CYB5B: variants seen among roughly 807,000 people sequenced by gnomAD.
CYB5B encodes cytochrome b5 type B (outer mitochondrial membrane).
A neutral mutation model predicts 21.3 loss-of-function variants in CYB5B; 14 were observed. The observed-to-expected ratio is 0.66, with a 90% CI of 0.43 to 1.03. CYB5B has a LOEUF of 1.03. Ranked by LOEUF, CYB5B falls within the 50% of genes least tolerant of loss-of-function variation. The probability of loss-of-function intolerance (pLI) is 0.00; values close to 1 mark genes in which losing one functional copy is unlikely to be tolerated. For missense variants in CYB5B, 166 were observed against 185.1 expected (o/e 0.90, Z 0.60); for synonymous variants, 69 against 68.4 (o/e 1.01, Z -0.04).
At chr16:69,454,685 TA>T (rs2014966447) in intron 3 of CYB5B, among the ~76,000 whole-genome samples, 1 of 152,220 alleles carries the variant, frequency 6.6e-6, no homozygotes, top group South Asian at 2.1e-4. Flanking sequence ...CCAGACCACC[TA>T]AATACCCATT....
chr16:69,452,904 C>G (rs981016869), intron 3 of CYB5B, among the ~76,000 whole-genome samples: 1 of 150,944 alleles, frequency 6.6e-6, no homozygotes, highest in East Asian at 2.0e-4. Flanking sequence ...GAGGCTGAGG[C>G]AGGAGAATCG....
chr16:69,444,659 TTCAGTGAAAAAAAA>T (rs2014859912), intron 1 of CYB5B, among the ~76,000 whole-genome samples: 1 of 151,912 alleles, frequency 6.6e-6, no homozygotes, highest in East Asian at 1.9e-4. Context: ...CCCCACTTGC[TTCAGTGAAAAAAAA>T]AAAGAAGCAG....
Position 69,462,689 on chromosome 16 carries a change from A to G in CYB5B, c.*169A>G. ...CTCAGATCTGAGACCAGCGTCTTCC[A>G]TCTCTCAGAGCCTTACTCCCAAAGT... On this transcript the variant is annotated 3_prime_UTR_variant, in exon 5 of 5. Coordinates refer to ENST00000307892, the MANE Select transcript of CYB5B (RefSeq NM_030579.3). 4 of 606,772 alleles carry G rather than the reference A, an allele frequency of 6.6e-6. No homozygotes were observed. The Admixed American group carries it at 1.1e-4, about 16-fold the overall frequency. 37.6% of individuals were successfully genotyped at this position (606,772 alleles called of 1,614,324 possible). A position where few individuals can be genotyped will look rare whatever the true frequency, so the allele number is the denominator to read the frequency against.
At chr16:69,425,604 A>G (rs1314974738) in intron 1 of CYB5B, among the ~76,000 whole-genome samples, 1 of 152,198 alleles carries the variant, frequency 6.6e-6, no homozygotes, top group Non-Finnish European at 1.5e-5. Flanking sequence ...TGTAATGTAC[A>G]TACGTAAATT....
intron 1 of CYB5B, among the ~76,000 whole-genome samples, chr16:69,428,369 A>C (rs2014670501): frequency 6.6e-6 from 1 of 152,074 alleles, no homozygotes. Flanking sequence ...GAAGAAAAAT[A>C]ATACAGGGGG....
At chr16:69,441,207 G>A (rs1352292946) in intron 1 of CYB5B, among the ~76,000 whole-genome samples, 1 of 147,254 alleles carries the variant, frequency 6.8e-6, no homozygotes, top group Non-Finnish European at 1.5e-5. Flanking sequence ...AGGCTGGAGT[G>A]CAGTGGCACA....
chr16:69,433,723 A>G (rs1260468705), intron 1 of CYB5B, among the ~76,000 whole-genome samples: 1 of 152,240 alleles, frequency 6.6e-6, no homozygotes, highest in Non-Finnish European at 1.5e-5. Flanking sequence ...GAGTTTTGAC[A>G]AATGTCTCAT....
intron 1 of CYB5B, among the ~76,000 whole-genome samples, chr16:69,445,709 A>G (rs2014870807): frequency 6.6e-6 from 1 of 152,156 alleles, no homozygotes; most frequent in African/African-American, 2.4e-5. Flanking sequence ...CATACCTTTA[A>G]TCCCAGCACT....
intron 2 of CYB5B, 148 bp downstream of exon 2, chr16:69,447,426 G>T: frequency 9.3e-7 from 1 of 1,076,014 alleles, no homozygotes; most frequent in East Asian, 2.7e-5. Flanking sequence ...CGGATCACTT[G>T]AGGTCAGGAG....
At chr16:69,456,257 A>T (rs1473052965) in intron 3 of CYB5B, among the ~76,000 whole-genome samples, 1 of 152,148 alleles carries the variant, frequency 6.6e-6, no homozygotes, top group Admixed American at 6.5e-5. Flanking sequence ...CTCCTGCCTC[A>T]GCCTTCCCAG....
intron 1 of CYB5B, among the ~76,000 whole-genome samples, chr16:69,445,898 G>A (rs576621850): frequency 6.6e-6 from 1 of 152,222 alleles, no homozygotes; most frequent in South Asian, 2.1e-4. Context: ...AGAGGTTGCG[G>A]TGAGCTGAGA....
At chr16:69,459,954 CTT>C (rs2015018828) in intron 4 of CYB5B, among the ~76,000 whole-genome samples, 1 of 152,024 alleles carries the variant, frequency 6.6e-6, no homozygotes, top group Non-Finnish European at 1.5e-5. Context: ...TTAAACAAAA[CTT>C]ATGCTTATGC....
chr16:69,424,957 C>G (rs1597277223), intron 1 of CYB5B, 100 bp downstream of exon 1: 3 of 1,237,436 alleles, frequency 2.4e-6, no homozygotes, highest in East Asian at 3.0e-5. Context: ...TGGCTGGGGG[C>G]GATAAGGCGT....
At chr16:69,462,335 C>A (rs2015043016) in intron 4 of CYB5B, 95 bp from the exon 5 acceptor site, 1 of 985,396 alleles carries the variant, frequency 1.0e-6, no homozygotes, top group Non-Finnish European at 1.6e-6. Flanking sequence ...TAAATAAAAA[C>A]TCCTTGCCTA....
At chr16:69,448,336 G>T in intron 3 of CYB5B, 192 bp downstream of exon 3, 1 of 620,348 alleles carries the variant, frequency 1.6e-6, no homozygotes, top group Non-Finnish European at 2.8e-6. Context: ...TGAACAGTAG[G>T]AAACATTTTG....
chr16:69,446,676 A>G (rs978002469), intron 1 of CYB5B, among the ~76,000 whole-genome samples: 1 of 152,222 alleles, frequency 6.6e-6, no homozygotes, highest in Non-Finnish European at 1.5e-5. Context: ...AGTTGCAAGA[A>G]TAGAATAAAG....
intron 3 of CYB5B, among the ~76,000 whole-genome samples, chr16:69,458,827 A>G (rs1350454128): frequency 6.6e-6 from 1 of 152,210 alleles, no homozygotes; most frequent in Non-Finnish European, 1.5e-5. Context: ...ATTTTTTAAC[A>G]TCTAAAAAAG....
intron 1 of CYB5B, among the ~76,000 whole-genome samples, chr16:69,427,920 C>T (rs569071717): frequency 2.5e-4 from 37 of 150,008 alleles, no homozygotes; most frequent in African/African-American, 7.9e-4. Flanking sequence ...CGCTTGAACC[C>T]GGGAGGTGGA....
chr16:69,450,857 C>G lies in CYB5B; in HGVS notation c.333+2713C>G, dbSNP rs1005257622. On this transcript the variant is annotated intron_variant, in intron 3 of 4. Transcript: ENST00000307892. ...TTTTCCTTCTTCTCCTTCTTCTACTCCCTGTCTGAACTGCACCATCCCTAC... is the reference window on the plus strand; with the variant it reads ...TTTTCCTTCTTCTCCTTCTTCTACTGCCTGTCTGAACTGCACCATCCCTAC... 2.0e-5 allele frequency among the ~76,000 whole-genome samples: 3 copies of G among 152,112 alleles called. No individual in the cohort carries two copies. The East Asian group carries it at 5.8e-4, about 29-fold the overall frequency.
Sources: gnomAD v4.1 joint callset for allele counts (sites outside exome capture counted in the v4.1 genomes callset) on GRCh38, gnomAD v4.1.1 for gene constraint, MANE v1.5 for transcripts, NCBI Gene and HGNC (gene_info 2026-07-23, HGNC 2026-07-21) for gene names.